GRIA1: variants seen among roughly 807,000 people sequenced by gnomAD.
GRIA1 encodes the protein glutamate receptor 1.
In GRIA1, 31 loss-of-function variants were observed where a neutral mutation model predicts 99.2. The ratio of observed to expected loss-of-function variants is 0.31; its 90% CI spans 0.23 to 0.42. GRIA1 has a LOEUF of 0.42. Ranked by LOEUF, GRIA1 falls within the 10% of genes least tolerant of loss-of-function variation. The pLI is 1.00. For synonymous variants in GRIA1, 438 were observed against 432.4 expected (o/e 1.01, Z -0.16); for missense variants, 782 against 1,157.5 (o/e 0.68, Z 4.71).
In GRIA1 at chr5:153,620,285, C is replaced by CT. The variant is rs57847273; in HGVS notation, c.221-26630dup. ...TGGGCTTTCTTCCCTTTGGGATAGA[C>CT]TTTTTTTTTTTTTCCTATTTTTGCA... is the stretch of plus-strand genomic sequence containing the variant. On this transcript the variant is annotated intron_variant, in intron 2 of 15. Transcript: ENST00000285900. Among the ~76,000 whole-genome samples, 686 of 146,752 alleles carry CT rather than the reference C, an allele frequency of 4.7e-3. 3 individuals carry two copies. The highest frequency in any genetic ancestry group is 0.011 in the African/African-American group (455 of 40,140).
chr5:153,753,341 C>G (rs1396882205), intron 11 of GRIA1, among the ~76,000 whole-genome samples: 2 of 152,186 alleles, frequency 1.3e-5, no homozygotes, highest in Non-Finnish European at 2.9e-5. Flanking sequence ...AGACTGCTGA[C>G]CAAAGGTTCC....
chr5:153,795,334 G>A (rs1765576647), intron 14 of GRIA1: 2 of 571,530 alleles, frequency 3.5e-6, no homozygotes, highest in Non-Finnish European at 6.4e-6. Flanking sequence ...GGTGGGGCGG[G>A]GCCAGATGGA....
At chr5:153,643,718 G>A (rs535900371) in intron 2 of GRIA1, among the ~76,000 whole-genome samples, 16 of 152,326 alleles carry the variant, frequency 1.1e-4, no homozygotes, top group African/African-American at 3.8e-4. Context: ...CTCTTTTAGG[G>A]AGTAGTGCGT....
intron 15 of GRIA1, among the ~76,000 whole-genome samples, chr5:153,804,369 G>A (rs918897865): frequency 6.6e-6 from 1 of 152,112 alleles, no homozygotes; most frequent in Non-Finnish European, 1.5e-5. Flanking sequence ...AAAGCTCTTT[G>A]ACCATTCCAT....
rs186928703 is a variant in GRIA1, at chr5:153,549,546, T to C, written c.220+55481T>C. Among the ~76,000 whole-genome samples the C allele has an allele frequency of 1.3e-3, 196 of 152,250 alleles. 1 individual carries two copies. Among genetic ancestry groups the C allele is most frequent in the Non-Finnish European group, 2.9e-4 (20 of 68,016 alleles). On this transcript the variant is annotated intron_variant, in intron 2 of 15. Coordinates refer to ENST00000285900, the MANE Select transcript of GRIA1 (RefSeq NM_000827.4). ...GTTCAGGGTGAAATTGGGTTTATTG[T>C]GGGTCTGAGATCAGAAAGTAAAATT...
chr5:153,631,778 T>C (rs1368969121), intron 2 of GRIA1, among the ~76,000 whole-genome samples: 1 of 152,108 alleles, frequency 6.6e-6, no homozygotes, highest in African/African-American at 2.4e-5. Flanking sequence ...ATTAAGACTT[T>C]GAGTAAAGTT....
intron 11 of GRIA1, among the ~76,000 whole-genome samples, chr5:153,744,506 G>A (rs1474535996): frequency 6.6e-6 from 1 of 152,142 alleles, no homozygotes; most frequent in African/African-American, 2.4e-5. Context: ...TCATGTTTTT[G>A]CTATTTATTA....
intron 2 of GRIA1, among the ~76,000 whole-genome samples, chr5:153,593,197 G>C (rs980462893): frequency 1.3e-5 from 2 of 152,306 alleles, no homozygotes; most frequent in Middle Eastern, 3.4e-3. Context: ...AGCCTGGAAG[G>C]TGGAGGATGC....
chr5:153,618,819 C>G (rs769672067), intron 2 of GRIA1, among the ~76,000 whole-genome samples: 3 of 152,136 alleles, frequency 2.0e-5, no homozygotes, highest in Non-Finnish European at 4.4e-5. Context: ...TGTGACACTA[C>G]TATGTTGGCC....
At chr5:153,794,797 C>A (rs1029208692) in intron 14 of GRIA1, 62 bp downstream of exon 14, 3 of 939,384 alleles carry the variant, frequency 3.2e-6, no homozygotes, top group Non-Finnish European at 5.1e-6. Context: ...TGGTAACCAG[C>A]AACTGTTCTC....
At chr5:153,698,761 C>A (rs989332257) in intron 9 of GRIA1, 106 bp from the exon 10 acceptor site, 2 of 733,412 alleles carry the variant, frequency 2.7e-6, no homozygotes, top group African/African-American at 1.7e-5. Context: ...GGCTAGAGAG[C>A]CTTCCCCAGT....
intron 2 of GRIA1, among the ~76,000 whole-genome samples, chr5:153,512,548 T>C (rs549135193): frequency 6.6e-6 from 1 of 152,316 alleles, no homozygotes; most frequent in African/African-American, 2.4e-5. Flanking sequence ...ACAGAGCCCA[T>C]TCTAAGTGTG....
rs115072813 is a variant in GRIA1 at position 153,661,690 on chromosome 5, A to G, written c.699+5818A>G. On this transcript the variant is annotated intron_variant, in intron 5 of 15. Transcript: ENST00000285900. ...TGAATGAATGAATGAATGAATGAATAAATGAATTCCTAGAAAATAATGTCT... is the reference window on the plus strand; with the variant it reads ...TGAATGAATGAATGAATGAATGAATGAATGAATTCCTAGAAAATAATGTCT... Among the ~76,000 whole-genome samples the G allele has an allele frequency of 5.6e-3, 854 of 152,288 alleles. 10 individuals are homozygous for G. The highest frequency in any genetic ancestry group is 0.027 in the Middle Eastern group (8 of 294).
At chr5:153,644,080 G>A (rs778332456) in intron 2 of GRIA1, among the ~76,000 whole-genome samples, 5 of 152,152 alleles carry the variant, frequency 3.3e-5, no homozygotes, top group Non-Finnish European at 7.4e-5. Context: ...AAATACTGTA[G>A]AGAGTATATT....
Position 153,800,961 on chromosome 5 carries a change from G to A in GRIA1, c.2386-1395G>A, listed in dbSNP as rs1023312330. 1.2e-4 allele frequency among the ~76,000 whole-genome samples: 19 copies of A among 152,336 alleles called. No homozygotes were observed. The East Asian group carries it at 1.7e-3, about 14-fold the overall frequency. The stretch of plus-strand genomic sequence containing the variant: ...TATCCTATGCCACCAACTAGCCAAC[G>A]ATGGTGTGTACCTGTGCCAATTGAG... On this transcript the variant is annotated intron_variant, in intron 14 of 15. Coordinates refer to ENST00000285900, the MANE Select transcript of GRIA1 (RefSeq NM_000827.4).
At chr5:153,590,490 TCAA>T (rs1763868864) in intron 2 of GRIA1, among the ~76,000 whole-genome samples, 1 of 150,332 alleles carries the variant, frequency 6.7e-6, no homozygotes, top group African/African-American at 2.5e-5. Flanking sequence ...ATGTGCAAAC[TCAA>T]CAAGCTATTG....
chr5:153,702,552 C>T (rs778461272), intron 10 of GRIA1, among the ~76,000 whole-genome samples: 11 of 152,222 alleles, frequency 7.2e-5, no homozygotes, highest in South Asian at 4.2e-4. Flanking sequence ...TGCTGTTTTC[C>T]CAGGATAGTT....
At chr5:153,790,783 C>T (rs1272712173) in intron 13 of GRIA1, among the ~76,000 whole-genome samples, 9 of 151,992 alleles carry the variant, frequency 5.9e-5, no homozygotes, top group African/African-American at 2.2e-4. Context: ...TATGTTGGTC[C>T]TCCCACACCC....
At chr5:153,517,843 A>G (rs561553475) in intron 2 of GRIA1, among the ~76,000 whole-genome samples, 5 of 152,292 alleles carry the variant, frequency 3.3e-5, no homozygotes, top group Admixed American at 2.6e-4. Context: ...GTGACTTTTT[A>G]AACGTATTGA....
Sources: allele counts gnomAD v4.1 joint callset (sites outside exome capture counted in the v4.1 genomes callset), GRCh38; gene constraint gnomAD v4.1.1; transcripts MANE v1.5; gene names NCBI Gene and HGNC (gene_info 2026-07-23, HGNC 2026-07-21).